SH2D4B: variants seen among roughly 807,000 people sequenced by gnomAD.
SH2D4B encodes the protein SH2 domain-containing protein 4B.
In SH2D4B, 45 loss-of-function variants were observed where a neutral mutation model predicts 61.5. The observed-to-expected ratio is 0.73, with a 90% CI of 0.58 to 0.94. The LOEUF (loss-of-function observed/expected upper bound fraction) is 0.94, where lower values mean the gene tolerates loss of function less well. Among genes scored for constraint, SH2D4B ranks in the 40% least tolerant of loss-of-function variants. SH2D4B has a pLI of 0.00. For synonymous variants in SH2D4B, 224 were observed against 220.4 expected (o/e 1.02, Z -0.14); for missense variants, 572 against 574.2 (o/e 1.00, Z 0.04).
At position 80,603,650 on chromosome 10, in the gene SH2D4B, C is replaced by T; in HGVS notation, c.715C>T (p.His239Tyr). ...AQRARDEYRH[H>Y]SLRAIQKGTV... Reference sequence around the variant, plus strand: ...GCGCGCCCGGGACGAGTACCGACACCACTCGCTCCGTGCTATCCAGAAGGG... The same window carrying T: ...GCGCGCCCGGGACGAGTACCGACACTACTCGCTCCGTGCTATCCAGAAGGG... The change falls in exon 5 of 8, where the codon CAC becomes TAC. Residue 239 changes from histidine (H) to tyrosine (Y), a missense_variant. By Grantham distance (83) the His-to-Tyr change is moderately conservative. Coordinates refer to ENST00000646907, the MANE Select transcript of SH2D4B (RefSeq NM_001388272.1). 6.2e-7 allele frequency: 1 copy of T among 1,605,314 alleles called. No individual in the cohort carries two copies.
intron 1 of SH2D4B, among the ~76,000 whole-genome samples, chr10:80,549,083 C>T (rs1015980275): frequency 2.6e-5 from 4 of 152,042 alleles, no homozygotes; most frequent in Non-Finnish European, 5.9e-5. Flanking sequence ...TGGTAACTGT[C>T]GGCACAGCCT....
intron 4 of SH2D4B, among the ~76,000 whole-genome samples, chr10:80,602,978 GTTAC>G (rs1389680394): frequency 3.9e-5 from 6 of 152,298 alleles, no homozygotes; most frequent in Non-Finnish European, 7.3e-5. Context: ...CTTTGGGCTA[GTTAC>G]TTAACCTCTC....
chr10:80,599,621 C>T (rs751737851), intron 4 of SH2D4B, among the ~76,000 whole-genome samples: 1 of 152,206 alleles, frequency 6.6e-6, no homozygotes, highest in Admixed American at 6.5e-5. Flanking sequence ...AGCCATCAGG[C>T]GTTGCCCGCA....
chr10:80,545,217 AAAAC>A (rs1450506541), intron 1 of SH2D4B, among the ~76,000 whole-genome samples: 2 of 152,124 alleles, frequency 1.3e-5, no homozygotes, highest in Non-Finnish European at 2.9e-5. Flanking sequence ...TCTCACTTCA[AAAAC>A]AAACCCCGTA....
chr10:80,538,086 C>A lies in SH2D4B; in HGVS notation c.-246C>A. 3.8e-6 allele frequency: 1 copy of A among 265,144 alleles called. No homozygotes were observed. Among genetic ancestry groups the A allele is most frequent in the Non-Finnish European group, 7.1e-6 (1 of 141,578 alleles). The allele number at this position is 265,144 out of a possible 1,614,324, so 16.4% of individuals were successfully genotyped here. A position where few individuals can be genotyped will look rare whatever the true frequency, so the allele number is the denominator to read the frequency against. On this transcript the variant is annotated 5_prime_UTR_variant, in exon 1 of 8. Transcript: ENST00000646907. This position sits in a 1 kb window ranked among gnomAD's most constrained non-coding sequence, Gnocchi z 4.8. Reference sequence around the variant, plus strand: ...ACTAGATTGCTCCTGGTGGTTGCTCCCCCTTGCAGAGTCCCACCTGCCCCT... The same window carrying A: ...ACTAGATTGCTCCTGGTGGTTGCTCACCCTTGCAGAGTCCCACCTGCCCCT...
At chr10:80,639,465 C>T (rs1409424934) in intron 7 of SH2D4B, among the ~76,000 whole-genome samples, 1 of 152,176 alleles carries the variant, frequency 6.6e-6, no homozygotes, top group East Asian at 1.9e-4. Flanking sequence ...CTGGGTGCTC[C>T]TGTATTGGGT....
chr10:80,618,758 G>GTGGC (rs1166646717), intron 6 of SH2D4B, among the ~76,000 whole-genome samples: 10 of 152,134 alleles, frequency 6.6e-5, no homozygotes, highest in African/African-American at 2.2e-4. Flanking sequence ...GTGAAACGTC[G>GTGGC]TGGCTGGCCT....
chr10:80,643,627 G>A lies in SH2D4B; in HGVS notation c.1210-366G>A, dbSNP rs76089974. 2.4e-3 allele frequency among the ~76,000 whole-genome samples: 369 copies of A among 151,982 alleles called. 1 individual carries two copies. Among genetic ancestry groups the A allele is most frequent in the African/African-American group, 8.3e-3 (346 of 41,442 alleles). On this transcript the variant is annotated intron_variant, in intron 7 of 7. Transcript: ENST00000646907. Reference sequence around the variant, plus strand: ...TTGGGGCTTCCAAGGAACCGTGTGCGTCTCCTCATTCCCCGACCTGCTTGA... The same window carrying A: ...TTGGGGCTTCCAAGGAACCGTGTGCATCTCCTCATTCCCCGACCTGCTTGA...
chr10:80,637,849 TC>T (rs1840212398), intron 7 of SH2D4B, among the ~76,000 whole-genome samples: 1 of 152,232 alleles, frequency 6.6e-6, no homozygotes, highest in Admixed American at 6.5e-5. Flanking sequence ...AGAGAGGGCA[TC>T]CCTGTTTTGT....
chr10:80,554,209 C>T (rs1047166626), intron 1 of SH2D4B, among the ~76,000 whole-genome samples: 3 of 152,148 alleles, frequency 2.0e-5, no homozygotes, highest in African/African-American at 7.2e-5. Context: ...TTGGGGCAGC[C>T]GCTTCCTCGC....
intron 1 of SH2D4B, among the ~76,000 whole-genome samples, chr10:80,562,028 T>TACACAC (rs150356380): frequency 0.017 from 2,410 of 144,462 alleles, 38 homozygotes; most frequent in African/African-American, 0.044. Flanking sequence ...CTCTTCCAAT[T>TACACAC]ACACACACAC....
intron 3 of SH2D4B, among the ~76,000 whole-genome samples, chr10:80,576,960 T>A (rs1383397947): frequency 1.3e-5 from 2 of 152,104 alleles, no homozygotes; most frequent in Non-Finnish European, 2.9e-5. Flanking sequence ...TAGAGACAGG[T>A]TTCACCATGT....
At chr10:80,604,651 C>T (rs10748551) in intron 5 of SH2D4B, among the ~76,000 whole-genome samples, 1 of 151,892 alleles carries the variant, frequency 6.6e-6, no homozygotes, top group African/African-American at 2.4e-5. Context: ...TCCCCTCCCC[C>T]CTTCCCACCC....
chr10:80,609,148 T>C (rs1240950873), intron 5 of SH2D4B, among the ~76,000 whole-genome samples: 2 of 152,226 alleles, frequency 1.3e-5, no homozygotes, highest in Non-Finnish European at 2.9e-5. Context: ...GGTAACAGTT[T>C]TCTTTTAAAT....
rs1330146026 is a variant in SH2D4B, at chr10:80,572,966, ATATATATATATATATATATATTTTTTT to A, written c.495+1390_495+1416del. On this transcript the variant is annotated intron_variant, in intron 3 of 7. Transcript: ENST00000646907. ...TGCAAATATATATATATATATATAT[ATATATATATATATATATATATTTTTTT>A]TTTTTTTTTTTTTTTTTTTTTTTGA... is the stretch of plus-strand genomic sequence containing the variant. Among the ~76,000 whole-genome samples, 15 of 6,128 alleles carry A rather than the reference ATATATATATATATATATATATTTTTTT, an allele frequency of 2.4e-3. 1 individual carries two copies. Among genetic ancestry groups the A allele is most frequent in the East Asian group, 8.1e-3 (1 of 124 alleles). The allele number at this position is 6,128 out of a possible 152,430, so 4.0% of individuals were successfully genotyped here. A position where few individuals can be genotyped will look rare whatever the true frequency, so the allele number is the denominator to read the frequency against.
intron 7 of SH2D4B, among the ~76,000 whole-genome samples, chr10:80,637,588 T>C (rs1840206598): frequency 6.6e-6 from 1 of 152,222 alleles, no homozygotes; most frequent in South Asian, 2.1e-4. Context: ...CTCTGTTTTG[T>C]CTGTTATTGG....
chr10:80,603,457 C>T (rs552324622), intron 4 of SH2D4B, 122 bp from the exon 5 acceptor site: 308 of 878,742 alleles, frequency 3.5e-4, no homozygotes, highest in Middle Eastern at 2.2e-3. Context: ...CAAAAGTCAT[C>T]GCGATTTTTT....
chr10:80,557,328 T>C (rs1841851406), intron 1 of SH2D4B, among the ~76,000 whole-genome samples: 2 of 152,148 alleles, frequency 1.3e-5, no homozygotes, highest in Admixed American at 1.3e-4. Flanking sequence ...GTGATAGATA[T>C]TGTTCTGTAC....
intron 1 of SH2D4B, among the ~76,000 whole-genome samples, chr10:80,560,317 T>TA (rs1841888037): frequency 6.6e-6 from 1 of 151,916 alleles, no homozygotes. Context: ...TTTTTTAAAG[T>TA]AAGGCTATTC....
Sources: gnomAD v4.1 joint callset for allele counts (sites outside exome capture counted in the v4.1 genomes callset) on GRCh38, gnomAD v4.1.1 for gene constraint, Gnocchi (gnomAD v3.1) non-coding constraint, MANE v1.5 for transcripts, NCBI Gene and HGNC (gene_info 2026-07-23, HGNC 2026-07-21) for gene names.